Variants in ABI2 observed in about 807,000 individuals in gnomAD.
ABI2 encodes abl interactor 2, also known as abelson interactor 2.
In ABI2, 25 loss-of-function variants were observed where a neutral mutation model predicts 59.2. That is an observed-to-expected ratio of 0.42 (90% CI 0.31 to 0.59). ABI2 has a LOEUF of 0.59. Ranked by LOEUF, ABI2 falls within the 20% of genes least tolerant of loss-of-function variation. The pLI is 0.14. For synonymous variants in ABI2, 213 were observed against 235.5 expected (o/e 0.90, Z 0.87); for missense variants, 545 against 681.8 (o/e 0.80, Z 2.23).
chr2:203,397,485 T>C (rs2097052112), intron 8 of ABI2, among the ~76,000 whole-genome samples: 1 of 152,198 alleles, frequency 6.6e-6, no homozygotes, highest in African/African-American at 2.4e-5. Flanking sequence ...GCTGGTGTTT[T>C]AAAATTGCAA....
In ABI2 at chr2:203,391,129, G is replaced by A; in HGVS notation, c.564G>A (p.Gly188=). The change falls in exon 5 of 12, where the codon GGG becomes GGA. Residue 188 remains glycine (G), a synonymous_variant. Transcript: ENST00000261018. The part of the protein sequence containing the change: ...TQKPPSPPMS[G]KGTLGRHSPY... ...AGCCCCCTAGTCCCCCTATGTCAGG[G>A]AAAGGGACACTTGGGTGAGTATATA... 1 of 1,612,630 alleles carries A rather than the reference G, an allele frequency of 6.2e-7. No individual in the cohort carries two copies. Among genetic ancestry groups the A allele is most frequent in the Non-Finnish European group, 8.5e-7 (1 of 1,179,322 alleles).
At chr2:203,355,191 C>A in intron 1 of ABI2, 1 of 410,468 alleles carries the variant, frequency 2.4e-6, no homozygotes, top group Non-Finnish European at 5.1e-6. Flanking sequence ...CTGGTGCTTC[C>A]TGACAAAGAA....
chr2:203,394,893 A>G, intron 6 of ABI2, 47 bp downstream of exon 6: 1 of 1,591,328 alleles, frequency 6.3e-7, no homozygotes, highest in East Asian at 2.2e-5. Context: ...TAGTACCATA[A>G]TCTGTTCAGA....
intron 4 of ABI2, 112 bp downstream of exon 4, chr2:203,382,318 C>A: frequency 1.1e-6 from 1 of 925,948 alleles, no homozygotes; most frequent in South Asian, 1.7e-5. Context: ...TAAATAATTC[C>A]TCCTTTTTGT....
rs201209202 is a variant in ABI2, at chr2:203,331,348, CTTTTTT to C, written c.117+2732_117+2737del. 8.2e-5 allele frequency among the ~76,000 whole-genome samples: 7 copies of C among 85,304 alleles called. No individual in the cohort carries two copies. In the East Asian group the frequency reaches 1.6e-3, roughly 19 times the overall value. 56.0% of individuals were successfully genotyped at this position (85,304 alleles called of 152,430 possible). A position where few individuals can be genotyped will look rare whatever the true frequency, so the allele number is the denominator to read the frequency against. ...TCAGTGATCAAATGGTCAATTTAGC[CTTTTTT>C]TTTTTTTTTTTTTTCTGAGACAGAG... On this transcript the variant is annotated intron_variant, in intron 1 of 11. Coordinates refer to ENST00000261018, the MANE Select transcript of ABI2 (RefSeq NM_001375670.1).
At chr2:203,363,435 T>TA (rs938393114) in intron 1 of ABI2, among the ~76,000 whole-genome samples, 14 of 152,136 alleles carry the variant, frequency 9.2e-5, no homozygotes, top group Middle Eastern at 3.4e-3. Flanking sequence ...CATTCTCACT[T>TA]ACCCCTACCT....
intron 1 of ABI2, among the ~76,000 whole-genome samples, chr2:203,353,222 A>G (rs1283156199): frequency 6.6e-6 from 1 of 152,174 alleles, no homozygotes; most frequent in African/African-American, 2.4e-5. Flanking sequence ...ATTATCATAT[A>G]AAAATACAGT....
At chr2:203,332,257 A>G (rs1209088136) in intron 1 of ABI2, among the ~76,000 whole-genome samples, 2 of 152,192 alleles carry the variant, frequency 1.3e-5, no homozygotes, top group Non-Finnish European at 2.9e-5. Flanking sequence ...TTTCTTGCCT[A>G]TACAAAGGAT....
intron 4 of ABI2, among the ~76,000 whole-genome samples, chr2:203,382,736 AT>A (rs761655337): frequency 1.3e-5 from 2 of 152,010 alleles, no homozygotes; most frequent in African/African-American, 2.4e-5. Context: ...AGCAGAAAAT[AT>A]TCAGTGACAC....
At chr2:203,331,370 T>TTTTTTTC (rs1446248974) in intron 1 of ABI2, among the ~76,000 whole-genome samples, 1 of 147,884 alleles carries the variant, frequency 6.8e-6, no homozygotes, top group Non-Finnish European at 1.5e-5. Context: ...TTTTTTTTTC[T>TTTTTTTC]GAGACAGAGT....
intron 1 of ABI2, among the ~76,000 whole-genome samples, chr2:203,350,531 CT>C (rs982629503): frequency 4.0e-5 from 6 of 150,162 alleles, no homozygotes; most frequent in African/African-American, 1.5e-4. Flanking sequence ...TTTTCTTTTT[CT>C]TTCTTTTCTT....
intron 11 of ABI2, among the ~76,000 whole-genome samples, chr2:203,425,937 C>T (rs1177937465): frequency 2.0e-5 from 3 of 151,286 alleles, no homozygotes; most frequent in African/African-American, 7.3e-5. Flanking sequence ...AAGAGAATCG[C>T]TTGAACCTGG....
At position 203,394,836 on chromosome 2, in the gene ABI2, C is replaced by T. The variant is rs765445473; in HGVS notation, c.715C>T (p.Arg239Ter). ...GACAGCTTCTGTGAATCAAAGAAAT[C>T]GAACTTACAGGTATTTTCTCTACCT... The part of the protein sequence containing the change: ...VRTASVNQRN[R>*]TYSSSGSSGG... Residue 239 changes from arginine (R) to a stop codon, truncating the protein, a stop_gained, in exon 6 of 12, where the codon CGA (arginine) becomes TGA (stop). Transcript: ENST00000261018. LOFTEE classifies it high-confidence loss of function. The T allele has an allele frequency of 6.2e-7, 1 of 1,614,018 alleles. No individual in the cohort carries two copies. Among genetic ancestry groups the T allele is most frequent in the Admixed American group, 1.7e-5 (1 of 60,010 alleles).
At chr2:203,395,907 G>A in intron 7 of ABI2, 127 bp downstream of exon 7, 1 of 1,125,652 alleles carries the variant, frequency 8.9e-7, no homozygotes, top group East Asian at 2.7e-5. Context: ...ATATTGGGAA[G>A]TCTATATATT....
chr2:203,373,455 AAG>A (rs1234852934), intron 2 of ABI2, among the ~76,000 whole-genome samples: 1 of 152,018 alleles, frequency 6.6e-6, no homozygotes, highest in Non-Finnish European at 1.5e-5. Context: ...AGACCGTGGA[AAG>A]AGAGGGAGAG....
chr2:203,420,111 G>T (rs2098132243), intron 11 of ABI2, among the ~76,000 whole-genome samples: 1 of 152,156 alleles, frequency 6.6e-6, no homozygotes, highest in Non-Finnish European at 1.5e-5. Context: ...TTAGAATTGG[G>T]ATTTGACTGG....
chr2:203,411,442 G>A (rs1296674138), intron 10 of ABI2, 71 bp downstream of exon 10: 4 of 1,147,440 alleles, frequency 3.5e-6, no homozygotes, highest in Non-Finnish European at 5.2e-6. Context: ...GTGATTGACT[G>A]GATAGTCATT....
At chr2:203,331,811 T>C (rs1420677331) in intron 1 of ABI2, among the ~76,000 whole-genome samples, 3 of 14,418 alleles carry the variant, frequency 2.1e-4, no homozygotes, top group Non-Finnish European at 1.1e-3. Flanking sequence ...CAGTGTTCTT[T>C]TTTTTTTTTT....
At chr2:203,347,256 C>A (rs1014768586) in intron 1 of ABI2, among the ~76,000 whole-genome samples, 1 of 152,078 alleles carries the variant, frequency 6.6e-6, no homozygotes, top group African/African-American at 2.4e-5. Context: ...TCTATTTTTC[C>A]ATCTGAAAAT....
Sources: allele counts gnomAD v4.1 joint callset (sites outside exome capture counted in the v4.1 genomes callset), GRCh38; gene constraint gnomAD v4.1.1; transcripts MANE v1.5; gene names NCBI Gene and HGNC (gene_info 2026-07-23, HGNC 2026-07-21).